The following TTC28 variants were observed in gnomAD, a reference collection of about 807,000 sequenced individuals.
The protein encoded by TTC28 is tetratricopeptide repeat domain 28.
TTC28 carries 61 observed loss-of-function variants against 198.0 expected under a neutral mutation model. The ratio of observed to expected loss-of-function variants is 0.31; its 90% CI spans 0.25 to 0.38. The LOEUF (loss-of-function observed/expected upper bound fraction) is 0.38, where lower values mean the gene tolerates loss of function less well. TTC28 is among the 10% of genes least tolerant of loss of function. TTC28 has a pLI of 1.00. For missense variants in TTC28, 2,678 were observed against 3,164.0 expected (o/e 0.85, Z 3.69); for synonymous variants, 1,171 against 1,297.8 (o/e 0.90, Z 2.10).
chr22:28,233,634 T>C (rs948785631), intron 5 of TTC28, among the ~76,000 whole-genome samples: 2 of 152,224 alleles, frequency 1.3e-5, no homozygotes, highest in Non-Finnish European at 2.9e-5. Flanking sequence ...AAGGCATGTA[T>C]TGTATTTGTT....
At chr22:28,484,517 T>C (rs142061264) in intron 2 of TTC28, among the ~76,000 whole-genome samples, 2 of 152,280 alleles carry the variant, frequency 1.3e-5, no homozygotes, top group East Asian at 3.9e-4. Context: ...TTTAGAGCTC[T>C]TCTGATCCCT....
chr22:28,162,087 AAC>A (rs1310900349), intron 6 of TTC28, among the ~76,000 whole-genome samples: 1 of 152,176 alleles, frequency 6.6e-6, no homozygotes, highest in Non-Finnish European at 1.5e-5. Flanking sequence ...CATACTTCCA[AAC>A]ACACCTTCCA....
chr22:28,648,816 G>A (rs1032701636), intron 1 of TTC28, among the ~76,000 whole-genome samples: 3 of 152,314 alleles, frequency 2.0e-5, no homozygotes, highest in Non-Finnish European at 4.4e-5. Context: ...GGCTGAGACA[G>A]GAGAATTGCT....
chr22:28,519,970 GAGAA>G (rs548723768), intron 2 of TTC28, among the ~76,000 whole-genome samples: 142 of 152,278 alleles, frequency 9.3e-4, no homozygotes, highest in African/African-American at 3.3e-3. Context: ...ACAAAGTAAA[GAGAA>G]AGAGAGAGAG....
intron 6 of TTC28, among the ~76,000 whole-genome samples, chr22:28,117,712 A>G (rs1942670964): frequency 6.6e-6 from 1 of 152,222 alleles, no homozygotes; most frequent in Non-Finnish European, 1.5e-5. Context: ...GATACCATAC[A>G]TTTTGTCACC....
intron 8 of TTC28, among the ~76,000 whole-genome samples, chr22:28,103,607 G>A (rs985461739): frequency 1.3e-5 from 2 of 152,146 alleles, no homozygotes; most frequent in Non-Finnish European, 2.9e-5. Flanking sequence ...TTTGGCCCAC[G>A]AGGAAAGCCA....
chr22:28,168,109 T>A (rs947257404), intron 5 of TTC28, among the ~76,000 whole-genome samples: 14 of 152,160 alleles, frequency 9.2e-5, no homozygotes, highest in South Asian at 2.1e-4. Context: ...GAATTCAACT[T>A]ACAAGGGATG....
chr22:28,111,143 T>G (rs550224148), intron 6 of TTC28, among the ~76,000 whole-genome samples: 1 of 152,166 alleles, frequency 6.6e-6, no homozygotes, highest in African/African-American at 2.4e-5. Flanking sequence ...TAGTTTTTTT[T>G]GTCTTTTTAC....
intron 1 of TTC28, among the ~76,000 whole-genome samples, chr22:28,657,603 G>C (rs968380223): frequency 6.6e-6 from 1 of 152,242 alleles, no homozygotes; most frequent in Non-Finnish European, 1.5e-5. Context: ...TCTGGGCTGG[G>C]CGTGGTGGCT....
chr22:28,374,825 G>A (rs1045730002), intron 2 of TTC28, among the ~76,000 whole-genome samples: 1 of 152,008 alleles, frequency 6.6e-6, no homozygotes, highest in Non-Finnish European at 1.5e-5. Flanking sequence ...GGGATTGCAG[G>A]CTCCCACCAC....
At chr22:28,378,288 G>A (rs2046442882) in intron 2 of TTC28, among the ~76,000 whole-genome samples, 1 of 149,022 alleles carries the variant, frequency 6.7e-6, no homozygotes, top group African/African-American at 2.5e-5. Flanking sequence ...GGAGGTTGCA[G>A]TGAGCCAAGA....
intron 5 of TTC28, among the ~76,000 whole-genome samples, chr22:28,201,098 T>G (rs183842419): frequency 6.6e-6 from 1 of 152,082 alleles, no homozygotes; most frequent in Non-Finnish European, 1.5e-5. Context: ...ACTTCAGAGG[T>G]TGGAAAACTG....
intron 2 of TTC28, among the ~76,000 whole-genome samples, chr22:28,339,198 G>C (rs1309489685): frequency 6.6e-6 from 1 of 152,308 alleles, no homozygotes; most frequent in East Asian, 1.9e-4. Flanking sequence ...GGATGCTGCA[G>C]AACAGCGGAT....
chr22:28,051,593 C>G (rs1402285913), intron 12 of TTC28, among the ~76,000 whole-genome samples: 1 of 152,274 alleles, frequency 6.6e-6, no homozygotes, highest in East Asian at 1.9e-4. Context: ...AAGCTGCTGG[C>G]TGATGTCGTT....
At chr22:28,431,384 A>G (rs1345698531) in intron 2 of TTC28, among the ~76,000 whole-genome samples, 1 of 152,206 alleles carries the variant, frequency 6.6e-6, no homozygotes, top group Non-Finnish European at 1.5e-5. Context: ...TTTAAACTCT[A>G]AACAAATATC....
At chr22:28,388,603 A>G (rs1412878892) in intron 2 of TTC28, among the ~76,000 whole-genome samples, 1 of 152,128 alleles carries the variant, frequency 6.6e-6, no homozygotes, top group African/African-American at 2.4e-5. Context: ...TTCTCTTTGA[A>G]GCAATTGTGA....
chr22:27,982,271 C>CATTT lies in TTC28; in HGVS notation c.7392_7395dup (p.Gly2466LysfsTer116). 1.4e-6 allele frequency: 2 copies of CATTT among 1,476,464 alleles called. No individual in the cohort carries two copies. Among genetic ancestry groups the CATTT allele is most frequent in the Non-Finnish European group, 1.8e-6 (2 of 1,113,550 alleles). The allele number at this position is 1,476,464 out of a possible 1,614,324, so 91.5% of individuals were successfully genotyped here. On this transcript the variant is annotated frameshift_variant, in exon 23 of 23. Transcript: ENST00000397906. LOFTEE classifies it high-confidence loss of function. This position sits in a 1 kb window ranked among gnomAD's most constrained non-coding sequence, Gnocchi z 5.2. ...CTTCCTGGAGACAGGAACTTGTAGC[C>CATTT]ATTTCCAGAAGGAAGCCTCAAAGGG...
chr22:28,146,321 C>T (rs529797671), intron 6 of TTC28, among the ~76,000 whole-genome samples: 5 of 152,336 alleles, frequency 3.3e-5, no homozygotes, highest in East Asian at 3.9e-4. Flanking sequence ...ATCATGAAAA[C>T]GCTTAGTAAA....
intron 2 of TTC28, among the ~76,000 whole-genome samples, chr22:28,365,815 T>C (rs182976412): frequency 6.6e-5 from 10 of 152,330 alleles, no homozygotes; most frequent in African/African-American, 9.6e-5. Context: ...TGAAACAATA[T>C]AGAAATAGTA....
Sources: gnomAD v4.1 joint callset for allele counts (sites outside exome capture counted in the v4.1 genomes callset) on GRCh38, gnomAD v4.1.1 for gene constraint, Gnocchi (gnomAD v3.1) non-coding constraint, MANE v1.5 for transcripts, NCBI Gene and HGNC (gene_info 2026-07-23, HGNC 2026-07-21) for gene names.